Variants in ATP2B2 observed in about 807,000 individuals in gnomAD.
ATP2B2 encodes the protein plasma membrane calcium-transporting ATPase 2.
A neutral mutation model predicts 120.0 loss-of-function variants in ATP2B2; 15 were observed. The ratio of observed to expected loss-of-function variants is 0.12; its 90% CI spans 0.08 to 0.19. The LOEUF is 0.19. Among genes scored for constraint, ATP2B2 ranks in the 10% least tolerant of loss-of-function variants. ATP2B2 has a pLI of 1.00. For missense variants in ATP2B2, 1,045 were observed against 1,719.8 expected (o/e 0.61, Z 6.94); for synonymous variants, 694 against 700.3 (o/e 0.99, Z 0.14).
intron 1 of ATP2B2, among the ~76,000 whole-genome samples, chr3:10,499,438 A>C (rs952069224): frequency 7.9e-5 from 12 of 152,242 alleles, no homozygotes; most frequent in Admixed American, 7.9e-4. Context: ...TGACTGAATA[A>C]GCAATTCCCC....
intron 2 of ATP2B2, 136 bp from the exon 3 acceptor site, chr3:10,410,951 T>G: frequency 1.9e-6 from 2 of 1,069,722 alleles, no homozygotes; most frequent in South Asian, 2.7e-5. Context: ...CATCTCTTCA[T>G]GCTTTGGGCC....
At chr3:10,548,184 T>G (rs139264442) in intron 2 of ATP2B2, among the ~76,000 whole-genome samples, 17 of 152,232 alleles carry the variant, frequency 1.1e-4, no homozygotes, top group Non-Finnish European at 2.2e-4. Flanking sequence ...GAAAAGCCCC[T>G]GAAGGCTGCC....
rs1355360237 is a variant in ATP2B2 at position 10,325,579 on chromosome 3, A to C, written c.*3235T>G. The C allele has an allele frequency of 6.6e-6, 1 of 152,260 alleles. No individual in the cohort carries two copies. The highest frequency in any genetic ancestry group is 2.4e-5 in the African/African-American group (1 of 41,442). The allele number at this position is 152,260 out of a possible 1,614,324, so 9.4% of individuals were successfully genotyped here. A position where few individuals can be genotyped will look rare whatever the true frequency, so the allele number is the denominator to read the frequency against. ...TCATTTTAATTGGTCCAGTCTCAGA[A>C]ATAGGACTGCCTCTCTCTTGTCATC... On this transcript the variant is annotated 3_prime_UTR_variant, in exon 23 of 23. Coordinates refer to ENST00000360273, the MANE Select transcript of ATP2B2 (RefSeq NM_001001331.4).
intron 1 of ATP2B2, among the ~76,000 whole-genome samples, chr3:10,460,667 TAAC>T (rs2064450665): frequency 6.6e-6 from 1 of 152,144 alleles, no homozygotes; most frequent in Admixed American, 6.5e-5. Flanking sequence ...AGGACTGAGC[TAAC>T]AAAATGATAC....
Position 10,476,235 on chromosome 3 carries a change from C to A in ATP2B2, c.-319-26373G>T, listed in dbSNP as rs77127134. ...AGATCAGGCCATCTTTAGCTGAAGCCGTGGAGAGCTTCAGAAGGGGCCATG... is the reference window on the plus strand; with the variant it reads ...AGATCAGGCCATCTTTAGCTGAAGCAGTGGAGAGCTTCAGAAGGGGCCATG... On this transcript the variant is annotated intron_variant, in intron 1 of 22. Coordinates refer to ENST00000360273, the MANE Select transcript of ATP2B2 (RefSeq NM_001001331.4). 2.9e-3 allele frequency among the ~76,000 whole-genome samples: 447 copies of A among 152,240 alleles called. 6 individuals carry two copies. The highest frequency in any genetic ancestry group is 0.025 in the Admixed American group (389 of 15,296).
At position 10,379,303 on chromosome 3, in the gene ATP2B2, TAACAGACAACAGAG is replaced by T; in HGVS notation, c.1001-33_1001-20del. ...ATTTTACCTACACGACAAAGAATTT[TAACAGACAACAGAG>T]AACAGACAACACATGGTCGGTCATC... On this transcript the variant is annotated intron_variant, in intron 8 of 22. Transcript: ENST00000360273. 1 of 1,613,606 alleles carries T rather than the reference TAACAGACAACAGAG, an allele frequency of 6.2e-7. No individual in the cohort carries two copies. Among genetic ancestry groups the T allele is most frequent in the Non-Finnish European group, 8.5e-7 (1 of 1,179,500 alleles).
intron 2 of ATP2B2, among the ~76,000 whole-genome samples, chr3:10,535,128 T>G (rs1043902774): frequency 6.6e-6 from 1 of 152,072 alleles, no homozygotes; most frequent in African/African-American, 2.4e-5. Flanking sequence ...GGTCTCCAAC[T>G]CCTGAGTTTA....
At chr3:10,472,759 G>T (rs2065064611) in intron 1 of ATP2B2, among the ~76,000 whole-genome samples, 1 of 152,220 alleles carries the variant, frequency 6.6e-6, no homozygotes, top group Admixed American at 6.5e-5. Context: ...GCAGGGGTTG[G>T]TTCAGGTTCC....
At chr3:10,630,845 G>A (rs376262485) in intron 1 of ATP2B2, among the ~76,000 whole-genome samples, 2 of 151,798 alleles carry the variant, frequency 1.3e-5, no homozygotes, top group African/African-American at 4.8e-5. Context: ...TTTGTGGCGG[G>A]GGGGTGGGGG....
upstream of ATP2B2, among the ~76,000 whole-genome samples, chr3:10,510,363 G>T (rs114710607): frequency 0.028 from 4,331 of 152,358 alleles, 127 homozygotes; most frequent in East Asian, 0.14. Context: ...TGAGGTACAG[G>T]TAAAACATTG....
chr3:10,426,552 A>C (rs142875573), intron 2 of ATP2B2, among the ~76,000 whole-genome samples: 3 of 152,118 alleles, frequency 2.0e-5, no homozygotes, highest in Non-Finnish European at 4.4e-5. Flanking sequence ...GACAGGAGGG[A>C]TGGAGGCGCC....
intron 3 of ATP2B2, among the ~76,000 whole-genome samples, chr3:10,527,896 C>A (rs2067131701): frequency 6.6e-6 from 1 of 151,872 alleles, no homozygotes; most frequent in Admixed American, 6.6e-5. Flanking sequence ...GCCACGGCAC[C>A]GAGGCCTGGC....
chr3:10,642,333 G>T (rs1300484194), intron 1 of ATP2B2, among the ~76,000 whole-genome samples: 1 of 152,188 alleles, frequency 6.6e-6, no homozygotes, highest in African/African-American at 2.4e-5. Context: ...GCTATACTTG[G>T]CCATTAGTGT....
intron 2 of ATP2B2, among the ~76,000 whole-genome samples, chr3:10,551,357 G>A (rs974540005): frequency 5.3e-5 from 8 of 152,188 alleles, no homozygotes; most frequent in Admixed American, 1.3e-4. Context: ...TGGACGTGCC[G>A]ATTATCAAGC....
intron 1 of ATP2B2, among the ~76,000 whole-genome samples, chr3:10,690,858 GA>G (rs2071647408): frequency 6.6e-6 from 1 of 152,184 alleles, no homozygotes; most frequent in Admixed American, 6.6e-5. Flanking sequence ...CCCATTTTAA[GA>G]AAGACTTAGA....
intron 1 of ATP2B2, among the ~76,000 whole-genome samples, chr3:10,672,312 G>T (rs925178170): frequency 6.6e-6 from 1 of 152,196 alleles, no homozygotes; most frequent in East Asian, 1.9e-4. Context: ...TTTGGATTTT[G>T]TCCTTAACAG....
chr3:10,548,209 T>G (rs2067592871), intron 2 of ATP2B2, among the ~76,000 whole-genome samples: 1 of 152,352 alleles, frequency 6.6e-6, no homozygotes, highest in East Asian at 1.9e-4. Context: ...ATAAGGGGCT[T>G]AATCTGTGCC....
At chr3:10,649,338 C>T (rs182041931) in intron 1 of ATP2B2, among the ~76,000 whole-genome samples, 2 of 152,346 alleles carry the variant, frequency 1.3e-5, no homozygotes, top group Admixed American at 1.3e-4. Flanking sequence ...TTCATCATCA[C>T]AGAAAATTAT....
chr3:10,508,900 G>A (rs1420943983), upstream of ATP2B2, among the ~76,000 whole-genome samples: 2 of 152,204 alleles, frequency 1.3e-5, no homozygotes, highest in African/African-American at 2.4e-5. Context: ...TTGGCTTATG[G>A]TGGACACCGA....
Sources: allele counts gnomAD v4.1 joint callset (sites outside exome capture counted in the v4.1 genomes callset), GRCh38; gene constraint gnomAD v4.1.1; transcripts MANE v1.5; gene names NCBI Gene and HGNC (gene_info 2026-07-23, HGNC 2026-07-21).